Variants in UBE2H observed in about 807,000 individuals in gnomAD.
UBE2H encodes the protein ubiquitin-conjugating enzyme E2 H.
UBE2H carries 3 observed loss-of-function variants against 29.0 expected under a neutral mutation model. That is an observed-to-expected ratio of 0.10 (90% CI 0.05 to 0.27). UBE2H has a LOEUF of 0.27. Ranked by LOEUF, UBE2H falls within the 10% of genes least tolerant of loss-of-function variation. The pLI is 1.00. For missense variants in UBE2H, 68 were observed against 228.2 expected (o/e 0.30, Z 4.52); for synonymous variants, 69 against 82.9 (o/e 0.83, Z 0.91).
At chr7:129,948,986 C>T (rs200025536) in intron 1 of UBE2H, 14 of 456,774 alleles carry the variant, frequency 3.1e-5, no homozygotes, top group Admixed American at 1.9e-4. Flanking sequence ...AGCTCCTCCC[C>T]TCCTCCTTTT....
Position 129,927,478 on chromosome 7 carries a change from T to C in UBE2H, c.53+25025A>G, listed in dbSNP as rs935039531. 3.3e-4 allele frequency among the ~76,000 whole-genome samples: 50 copies of C among 152,172 alleles called. 1 individual carries two copies. The highest frequency in any genetic ancestry group is 3.5e-4 in the Non-Finnish European group (24 of 68,036). On this transcript the variant is annotated intron_variant, in intron 1 of 6. Transcript: ENST00000355621. ...TTGCTTGAACCCTGGAGGCAGAGGTTGCAGTGAGCCGAGATTGCGCCACTG... is the reference window on the plus strand; with the variant it reads ...TTGCTTGAACCCTGGAGGCAGAGGTCGCAGTGAGCCGAGATTGCGCCACTG...
chr7:129,888,480 CTT>C (rs529356674), intron 1 of UBE2H, among the ~76,000 whole-genome samples: 1 of 145,242 alleles, frequency 6.9e-6, no homozygotes, highest in Admixed American at 6.9e-5. Context: ...TAGCAAGACC[CTT>C]TTTTTTTTTT....
At chr7:129,899,405 A>G (rs1361677955) in intron 1 of UBE2H, among the ~76,000 whole-genome samples, 1 of 152,234 alleles carries the variant, frequency 6.6e-6, no homozygotes, top group Non-Finnish European at 1.5e-5. Flanking sequence ...ATAGTAAAAT[A>G]AAGTTCACCT....
chr7:129,929,269 A>G (rs1466021099), intron 1 of UBE2H, among the ~76,000 whole-genome samples: 1 of 151,112 alleles, frequency 6.6e-6, no homozygotes, highest in Non-Finnish European at 1.5e-5. Context: ...GTGAGCCAAG[A>G]TCGTGCCATT....
chr7:129,877,324 T>C (rs1370001578), intron 3 of UBE2H, among the ~76,000 whole-genome samples: 1 of 152,186 alleles, frequency 6.6e-6, no homozygotes, highest in Non-Finnish European at 1.5e-5. Context: ...ATGTTGAGAT[T>C]GGGTTGATCT....
chr7:129,881,445 G>A (rs939251577), intron 1 of UBE2H, among the ~76,000 whole-genome samples: 14 of 152,108 alleles, frequency 9.2e-5, no homozygotes, highest in Non-Finnish European at 2.1e-4. Flanking sequence ...TCAGGAGTTC[G>A]AGACCAGCGT....
intron 3 of UBE2H, among the ~76,000 whole-genome samples, chr7:129,877,485 C>T (rs772536017): frequency 6.6e-6 from 1 of 152,114 alleles, no homozygotes; most frequent in Non-Finnish European, 1.5e-5. Context: ...TGGGTCACCC[C>T]GCACAACTGA....
intron 3 of UBE2H, among the ~76,000 whole-genome samples, chr7:129,875,108 T>A (rs1252564505): frequency 6.6e-6 from 1 of 152,172 alleles, no homozygotes; most frequent in African/African-American, 2.4e-5. Context: ...TCAAAAGACA[T>A]ACATTTGCAA....
chr7:129,882,733 T>C (rs767809309), intron 1 of UBE2H, among the ~76,000 whole-genome samples: 4 of 152,218 alleles, frequency 2.6e-5, no homozygotes, highest in Non-Finnish European at 5.9e-5. Context: ...TCTGACATCC[T>C]GCAAAATATT....
intron 3 of UBE2H, among the ~76,000 whole-genome samples, chr7:129,864,552 C>CTTTTTTTTTTTTTTTT (rs757244811): frequency 1.3e-5 from 1 of 75,672 alleles, no homozygotes. Flanking sequence ...TTTTTCTTTT[C>CTTTTTTTTTTTTTTTT]TTTCTTTTTT....
intron 1 of UBE2H, among the ~76,000 whole-genome samples, chr7:129,884,550 G>T (rs746788207): frequency 5.3e-5 from 8 of 151,608 alleles, no homozygotes; most frequent in Non-Finnish European, 1.2e-4. Context: ...AATGGAAACG[G>T]TCTAAACATT....
At chr7:129,944,715 A>AACACACAC (rs57825154) in intron 1 of UBE2H, among the ~76,000 whole-genome samples, 7,596 of 143,826 alleles carry the variant, frequency 0.053, 227 homozygotes, top group Middle Eastern at 0.086. Flanking sequence ...ATGCGCTCAA[A>AACACACAC]ACACACACAC....
intron 1 of UBE2H, among the ~76,000 whole-genome samples, chr7:129,919,204 G>A (rs1436355461): frequency 6.6e-6 from 1 of 150,728 alleles, no homozygotes; most frequent in Non-Finnish European, 1.5e-5. Flanking sequence ...CTAGTTCAAA[G>A]GAAATATAAT....
intron 1 of UBE2H, among the ~76,000 whole-genome samples, chr7:129,942,688 A>C (rs752381135): frequency 6.6e-6 from 1 of 152,202 alleles, no homozygotes; most frequent in Non-Finnish European, 1.5e-5. Context: ...TAGAAATGCT[A>C]AAGAAATGTT....
At chr7:129,942,472 A>T (rs1807667689) in intron 1 of UBE2H, among the ~76,000 whole-genome samples, 1 of 152,134 alleles carries the variant, frequency 6.6e-6, no homozygotes, top group Non-Finnish European at 1.5e-5. Flanking sequence ...GGGCAACAAG[A>T]GTGAAACTCC....
At chr7:129,900,766 T>TA (rs1359311163) in intron 1 of UBE2H, among the ~76,000 whole-genome samples, 1 of 150,996 alleles carries the variant, frequency 6.6e-6, no homozygotes, top group Non-Finnish European at 1.5e-5. Context: ...TTTTTTTTTT[T>TA]TTGAGACAGA....
At chr7:129,906,215 T>C (rs1329851099) in intron 1 of UBE2H, among the ~76,000 whole-genome samples, 1 of 151,378 alleles carries the variant, frequency 6.6e-6, no homozygotes, top group Non-Finnish European at 1.5e-5. Context: ...TTTCTTTCTT[T>C]TTTTTTTTTT....
At chr7:129,836,805 G>A (rs145588942) in intron 6 of UBE2H, among the ~76,000 whole-genome samples, 3,882 of 145,568 alleles carry the variant, frequency 0.027, 176 homozygotes, top group African/African-American at 0.094. Flanking sequence ...ACTTGAACCC[G>A]GGAGGCAGAG....
chr7:129,869,766 AGGGGCT>A (rs1805990865), intron 3 of UBE2H, among the ~76,000 whole-genome samples: 1 of 152,206 alleles, frequency 6.6e-6, no homozygotes. Flanking sequence ...AAACAGACCC[AGGGGCT>A]GCCTTCATGG....
Sources: allele counts gnomAD v4.1 joint callset (sites outside exome capture counted in the v4.1 genomes callset), GRCh38; gene constraint gnomAD v4.1.1; transcripts MANE v1.5; gene names NCBI Gene and HGNC (gene_info 2026-07-23, HGNC 2026-07-21).